DENND2B: variants seen among roughly 807,000 people sequenced by gnomAD.
The protein encoded by DENND2B is DENN domain-containing protein 2B.
Under a neutral mutation model 116.0 loss-of-function variants are expected in DENND2B, and 32 were observed. That is an observed-to-expected ratio of 0.28 (90% CI 0.21 to 0.37). The LOEUF is 0.37. DENND2B is among the 10% of genes least tolerant of loss of function. The pLI, the probability that DENND2B is intolerant of heterozygous loss-of-function variation, is 1.00. For synonymous variants in DENND2B, 588 were observed against 583.9 expected (o/e 1.01, Z -0.10); for missense variants, 1,276 against 1,477.7 (o/e 0.86, Z 2.24).
rs2047975208 is a variant in DENND2B, at chr11:8,730,687, G to A, written c.603C>T (p.Cys201=). The stretch of plus-strand genomic sequence containing the variant: ...CCACGCTGGGACAGCCCAGGCTGGG[G>A]CAGCCCTCACTGGCCGCCCACTCGC... ...SGSEWAASEG[C]PSLGCPSVVP... is the part of the protein sequence containing the mutation. The change falls in exon 3 of 20, where the codon TGC becomes TGT. Residue 201 remains cysteine, a synonymous_variant. Transcript: ENST00000313726. This position sits in a 1 kb window ranked among gnomAD's most constrained non-coding sequence, Gnocchi z 4.1. The A allele has an allele frequency of 1.2e-6, 2 of 1,611,854 alleles. No individual in the cohort carries two copies. Among genetic ancestry groups the A allele is most frequent in the Non-Finnish European group, 1.7e-6 (2 of 1,179,688 alleles).
intron 4 of DENND2B, among the ~76,000 whole-genome samples, chr11:8,833,551 G>A (rs1300550320): frequency 6.6e-6 from 1 of 152,018 alleles, no homozygotes. Flanking sequence ...ATAGACACAC[G>A]TCTGTTCTTC....
chr11:8,896,268 A>G (rs528063942), intron 1 of DENND2B, among the ~76,000 whole-genome samples: 3 of 152,342 alleles, frequency 2.0e-5, no homozygotes, highest in Non-Finnish European at 2.9e-5. Flanking sequence ...GAACAAATAA[A>G]TAAATATTGA....
chr11:8,800,741 T>G (rs1052703365), intron 1 of DENND2B, among the ~76,000 whole-genome samples: 1 of 152,136 alleles, frequency 6.6e-6, no homozygotes, highest in Non-Finnish European at 1.5e-5. Flanking sequence ...TCAAAGAAGA[T>G]TTGAGGGACT....
In DENND2B at chr11:8,810,544, C is replaced by G. The variant is rs1294487291; in HGVS notation, c.-53G>C. On this transcript the variant is annotated 5_prime_UTR_variant, in exon 1 of 20. Coordinates refer to ENST00000313726, the MANE Select transcript of DENND2B (RefSeq NM_213618.2). ...GAAAGTCCCGCTGCTTTCCTGCCCACTCCATTCTCACACCGCAGCCGGCTA... is the reference window on the plus strand; with the variant it reads ...GAAAGTCCCGCTGCTTTCCTGCCCAGTCCATTCTCACACCGCAGCCGGCTA... 1.3e-5 allele frequency: 2 copies of G among 152,308 alleles called. No homozygotes were observed. The highest frequency in any genetic ancestry group is 4.8e-5 in the African/African-American group (2 of 41,460). The allele number at this position is 152,308 out of a possible 1,614,324, so 9.4% of individuals were successfully genotyped here.
chr11:8,902,921 G>A (rs1017372084), intron 1 of DENND2B, among the ~76,000 whole-genome samples: 2 of 152,112 alleles, frequency 1.3e-5, no homozygotes, highest in African/African-American at 2.4e-5. Context: ...TCACAGTGGT[G>A]CAATCTCGGC....
chr11:8,857,196 C>T (rs553743771), intron 3 of DENND2B: 1 of 152,290 alleles, frequency 6.6e-6, no homozygotes, highest in South Asian at 2.1e-4. Context: ...ACCAGGTCTC[C>T]TCCTTCTTAT....
intron 9 of DENND2B, among the ~76,000 whole-genome samples, chr11:8,711,744 G>A (rs550083931): frequency 6.6e-6 from 1 of 152,276 alleles, no homozygotes; most frequent in African/African-American, 2.4e-5. Context: ...GCGCATGCCT[G>A]TAATCCCAGC....
chr11:8,771,311 G>A (rs2056801523), intron 1 of DENND2B, among the ~76,000 whole-genome samples: 1 of 152,160 alleles, frequency 6.6e-6, no homozygotes, highest in South Asian at 2.1e-4. Flanking sequence ...ATGGGGAACA[G>A]TATATACAAA....
At chr11:8,806,638 A>ACACACACACACACACACACACACACACC (rs1017645452) in intron 1 of DENND2B, among the ~76,000 whole-genome samples, 7 of 151,016 alleles carry the variant, frequency 4.6e-5, no homozygotes, top group South Asian at 2.1e-4. Context: ...ACACACACAC[A>ACACACACACACACACACACACACACACC]CCCAGGAGAG....
At chr11:8,772,633 C>CA (rs1222619109) in intron 1 of DENND2B, among the ~76,000 whole-genome samples, 2 of 151,888 alleles carry the variant, frequency 1.3e-5, no homozygotes, top group African/African-American at 4.8e-5. Context: ...GAGAAGGAAA[C>CA]AGAGACAGGG....
chr11:8,704,304 G>A (rs989885361), intron 13 of DENND2B, among the ~76,000 whole-genome samples: 3 of 152,202 alleles, frequency 2.0e-5, no homozygotes, highest in Non-Finnish European at 4.4e-5. Flanking sequence ...CAGAGCACAA[G>A]GTACTTGACT....
At chr11:8,801,000 T>C (rs1313067354) in intron 1 of DENND2B, among the ~76,000 whole-genome samples, 1 of 150,948 alleles carries the variant, frequency 6.6e-6, no homozygotes, top group East Asian at 1.9e-4. Context: ...TGATGCCTCT[T>C]ACTGCCTTAG....
Position 8,696,675 on chromosome 11 carries a change from G to A in DENND2B, c.3053-9C>T. On this transcript the variant is annotated splice_polypyrimidine_tract_variant and intron_variant, in intron 17 of 19. Coordinates refer to ENST00000313726, the MANE Select transcript of DENND2B (RefSeq NM_213618.2). ...ATTGAGGGTATTACATTCTGGAAGG[G>A]AAAAGACAATCTTTGAGGTTCAGGT... 1 of 1,612,964 alleles carries A rather than the reference G, an allele frequency of 6.2e-7. No individual in the cohort carries two copies.
rs187985113 is a variant in DENND2B at position 8,700,610 on chromosome 11, T to C, written c.2721-1220A>G. ...GACAAACCAGAACGGGGATTTTCCT[T>C]CACTGCCCTCCTGTGAGCACCTGAC... On this transcript the variant is annotated intron_variant, in intron 14 of 19. Transcript: ENST00000313726. Among the ~76,000 whole-genome samples, 3 of 152,276 alleles carry C rather than the reference T, an allele frequency of 2.0e-5. No individual in the cohort carries two copies. In the East Asian group the frequency reaches 5.8e-4, roughly 29 times the overall value.
intron 1 of DENND2B, among the ~76,000 whole-genome samples, chr11:8,756,590 T>C (rs571483637): frequency 4.6e-5 from 7 of 152,308 alleles, no homozygotes; most frequent in African/African-American, 1.7e-4. Context: ...AACTGCTCTC[T>C]CTGGGCCAGG....
intron 1 of DENND2B, among the ~76,000 whole-genome samples, chr11:8,899,807 C>G (rs1188735192): frequency 1.3e-5 from 2 of 152,116 alleles, no homozygotes; most frequent in Non-Finnish European, 2.9e-5. Flanking sequence ...ATAAAGGACT[C>G]TATACATATG....
chr11:8,782,044 CCCA>C (rs1423321396), intron 1 of DENND2B, among the ~76,000 whole-genome samples: 3 of 152,144 alleles, frequency 2.0e-5, no homozygotes, highest in Admixed American at 2.0e-4. Context: ...AATCATACTC[CCCA>C]CCACATCACT....
At position 8,702,420 on chromosome 11, in the gene DENND2B, G is replaced by T; in HGVS notation, c.2720+152C>A. On this transcript the variant is annotated intron_variant, in intron 14 of 19. Transcript: ENST00000313726. The surrounding 1 kb of genome is among the most constrained non-coding windows in gnomAD (Gnocchi z 4.6). ...CCTGCTCCCTCACCCACACAGGGGT[G>T]CTACCTTTCCACCTAGTCTTCCATC... The T allele has an allele frequency of 8.8e-7, 1 of 1,140,312 alleles. No homozygotes were observed. The highest frequency in any genetic ancestry group is 1.2e-6 in the Non-Finnish European group (1 of 813,450). The allele number at this position is 1,140,312 out of a possible 1,614,324, so 70.6% of individuals were successfully genotyped here.
intron 1 of DENND2B, among the ~76,000 whole-genome samples, chr11:8,807,146 C>T (rs758152914): frequency 6.6e-6 from 1 of 152,192 alleles, no homozygotes; most frequent in South Asian, 2.1e-4. Flanking sequence ...ATGTGTTCCC[C>T]GGGCTTGGCT....
Sources: gnomAD v4.1 joint callset for allele counts (sites outside exome capture counted in the v4.1 genomes callset) on GRCh38, gnomAD v4.1.1 for gene constraint, Gnocchi (gnomAD v3.1) non-coding constraint, MANE v1.5 for transcripts, NCBI Gene and HGNC (gene_info 2026-07-23, HGNC 2026-07-21) for gene names.